The following RNF168 variants were observed in gnomAD, a reference collection of about 807,000 sequenced individuals.
The protein encoded by RNF168 is ring finger protein 168.
RNF168 carries 34 observed loss-of-function variants against 34.9 expected under a neutral mutation model. The observed-to-expected ratio is 0.97, with a 90% CI of 0.74 to 1.30. The LOEUF (loss-of-function observed/expected upper bound fraction) is 1.30. Ranked by LOEUF, RNF168 falls within the 50% of genes most tolerant of loss-of-function variation. The pLI is 0.00. For missense variants in RNF168, 725 were observed against 682.5 expected (o/e 1.06, Z -0.69); for synonymous variants, 264 against 254.7 (o/e 1.04, Z -0.35).
chr3:196,474,443 T>C (rs530583226), intron 5 of RNF168, among the ~76,000 whole-genome samples: 2 of 147,160 alleles, frequency 1.4e-5, no homozygotes, highest in Non-Finnish European at 3.0e-5. Flanking sequence ...CATCTTGTAA[T>C]ATTCTTTTTT....
Position 196,499,199 on chromosome 3 carries a change from G to C in RNF168, c.301+3674C>G, listed in dbSNP as rs114531300. Reference sequence around the variant, plus strand: ...AAAAAAAAGAGAGAGACACAGAGGAGACGGCCATGTAAAGACAGACACACC... The same window carrying C: ...AAAAAAAAGAGAGAGACACAGAGGACACGGCCATGTAAAGACAGACACACC... On this transcript the variant is annotated intron_variant, in intron 1 of 5. Coordinates refer to ENST00000318037, the MANE Select transcript of RNF168 (RefSeq NM_152617.4). Among the ~76,000 whole-genome samples, 1,377 of 152,066 alleles carry C rather than the reference G, an allele frequency of 9.1e-3. 12 individuals are homozygous for C. The highest frequency in any genetic ancestry group is 0.03 in the African/African-American group (1,258 of 41,446).
Position 196,469,509 on chromosome 3 carries a change from G to C in RNF168, c.*2310C>G, listed in dbSNP as rs879227844. On this transcript the variant is annotated 3_prime_UTR_variant, in exon 6 of 6. Coordinates refer to ENST00000318037, the MANE Select transcript of RNF168 (RefSeq NM_152617.4). ...CAGAAATACTGGCAAATTTAAGCTA[G>C]AATTAGCTCCAGGACATTTTATCTT... 15 of 152,242 alleles carry C rather than the reference G, an allele frequency of 9.9e-5. No homozygotes were observed. The South Asian group carries it at 3.1e-3, about 32-fold the overall frequency. The allele number at this position is 152,242 out of a possible 1,614,324, so 9.4% of individuals were successfully genotyped here.
chr3:196,482,906 C>T (rs969057443), intron 4 of RNF168, among the ~76,000 whole-genome samples: 6 of 151,774 alleles, frequency 4.0e-5, no homozygotes, highest in Non-Finnish European at 5.9e-5. Context: ...CTTTTAAATC[C>T]TTAGTTTTTC....
intron 1 of RNF168, among the ~76,000 whole-genome samples, chr3:196,495,281 T>C (rs1352449796): frequency 1.3e-5 from 2 of 152,168 alleles, no homozygotes; most frequent in African/African-American, 4.8e-5. Flanking sequence ...TCCTTATCTC[T>C]TGATTTGATA....
chr3:196,476,158 C>T (rs13324149), intron 4 of RNF168, among the ~76,000 whole-genome samples: 4,107 of 152,014 alleles, frequency 0.027, 193 homozygotes, highest in African/African-American at 0.094. Flanking sequence ...CTGCGCCCAG[C>T]GTAAATATTT....
rs2108657520 is a variant in RNF168, at chr3:196,503,130, T to G, written c.44A>C (p.Gln15Pro). The G allele has an allele frequency of 6.2e-7, 1 of 1,614,126 alleles. No individual in the cohort carries two copies. Among genetic ancestry groups the G allele is most frequent in the Non-Finnish European group, 8.5e-7 (1 of 1,179,996 alleles). The change falls in exon 1 of 6, where the codon CAG becomes CCG. Residue 15 changes from glutamine to proline, a missense_variant. Transcript: ENST00000318037. ...GAGGATTTCCATGCAGATCCCGCAC[T>G]GGCACTCGGACAGCGAGGGGATGGC... ...KDAIPSLSEC[Q>P]CGICMEILVE...
chr3:196,502,431 C>G (rs1047346329), intron 1 of RNF168, among the ~76,000 whole-genome samples: 3 of 151,928 alleles, frequency 2.0e-5, no homozygotes, highest in African/African-American at 7.3e-5. Flanking sequence ...TACTAAAAAA[C>G]AGAAAAATTC....
intron 1 of RNF168, among the ~76,000 whole-genome samples, chr3:196,498,536 TAC>T (rs1243778501): frequency 6.6e-6 from 1 of 152,044 alleles, no homozygotes; most frequent in African/African-American, 2.4e-5. Context: ...AGGCCACACA[TAC>T]ACACACAGAG....
intron 3 of RNF168, among the ~76,000 whole-genome samples, chr3:196,487,004 G>T (rs1033052763): frequency 2.6e-5 from 4 of 152,180 alleles, no homozygotes; most frequent in African/African-American, 7.2e-5. Flanking sequence ...GCAGTGAGTC[G>T]TGATTGTGCC....
At chr3:196,479,408 G>A (rs1732235362) in intron 4 of RNF168, among the ~76,000 whole-genome samples, 1 of 151,576 alleles carries the variant, frequency 6.6e-6, no homozygotes, top group South Asian at 2.1e-4. Context: ...AGGTTCACGT[G>A]ATCCTGCCAC....
In RNF168 at chr3:196,472,756, TCAC is replaced by T. The variant is rs1423319027; in HGVS notation, c.776_778del (p.Ser259_Asp260delinsAsn). 6.2e-7 allele frequency: 1 copy of T among 1,606,538 alleles called. No individual in the cohort carries two copies. Among genetic ancestry groups the T allele is most frequent in the Admixed American group, 1.7e-5 (1 of 59,964 alleles). On this transcript the variant is annotated inframe_deletion, in exon 6 of 6. Coordinates refer to ENST00000318037, the MANE Select transcript of RNF168 (RefSeq NM_152617.4). ...GTCTTGCCCTGTTGGGCTTTTCCTA[TCAC>T]TACTGTCAATGTCCTGTAGAAAACA... is the stretch of plus-strand genomic sequence containing the variant.
chr3:196,498,154 G>A (rs1421542382), intron 1 of RNF168, among the ~76,000 whole-genome samples: 1 of 152,018 alleles, frequency 6.6e-6, no homozygotes, highest in Non-Finnish European at 1.5e-5. Context: ...AAAAGATCTG[G>A]TAGTTTCTTC....
intron 2 of RNF168, 22 bp downstream of exon 2, chr3:196,488,556 TAAAAACACAGCAGAGAAATATTCCAAAAA>T: frequency 9.4e-7 from 1 of 1,063,520 alleles, no homozygotes; most frequent in Non-Finnish European, 1.4e-6. Context: ...AATCTGAAAC[TAAAAACACAGCAGAGAAATATTCCAAAAA>T]AAAAAACTAT....
At chr3:196,476,706 G>A (rs1256172594) in intron 4 of RNF168, among the ~76,000 whole-genome samples, 4 of 151,272 alleles carry the variant, frequency 2.6e-5, no homozygotes, top group African/African-American at 9.7e-5. Context: ...GTGAGCCACC[G>A]TGCCTGGCCC....
At chr3:196,487,351 C>T (rs769906993) in intron 3 of RNF168, 48 bp downstream of exon 3, 5 of 1,465,220 alleles carry the variant, frequency 3.4e-6, no homozygotes, top group African/African-American at 1.4e-5. Flanking sequence ...TCTGCAGCAG[C>T]GCATACCAAG....
chr3:196,484,232 G>A (rs1252118055), intron 3 of RNF168, among the ~76,000 whole-genome samples: 1 of 142,554 alleles, frequency 7.0e-6, no homozygotes. Flanking sequence ...GTGCAGTGGC[G>A]CGATCTCGGC....
At chr3:196,498,990 C>CTTTG (rs1732815939) in intron 1 of RNF168, among the ~76,000 whole-genome samples, 1 of 148,556 alleles carries the variant, frequency 6.7e-6, no homozygotes, top group African/African-American at 2.5e-5. Flanking sequence ...ACAAGACTGT[C>CTTTG]TCAAAAAAAA....
At chr3:196,487,121 TTAAG>T (rs1175084630) in intron 3 of RNF168, among the ~76,000 whole-genome samples, 2 of 152,250 alleles carry the variant, frequency 1.3e-5, no homozygotes, top group Admixed American at 1.3e-4. Context: ...CAATTTTACT[TTAAG>T]TAAAGCAAAA....
intron 4 of RNF168, 179 bp from the exon 5 acceptor site, chr3:196,475,491 G>C: frequency 1.7e-6 from 1 of 589,604 alleles, no homozygotes; most frequent in Non-Finnish European, 3.1e-6. Context: ...TTAAATGATT[G>C]AGTATTGATA....
Sources: gnomAD v4.1 joint callset for allele counts (sites outside exome capture counted in the v4.1 genomes callset) on GRCh38, gnomAD v4.1.1 for gene constraint, MANE v1.5 for transcripts, NCBI Gene and HGNC (gene_info 2026-07-23, HGNC 2026-07-21) for gene names.